CAV1: variants seen among roughly 807,000 people sequenced by gnomAD.
The protein encoded by CAV1 is caveolin 1.
A neutral mutation model predicts 16.5 loss-of-function variants in CAV1; 10 were observed. The ratio of observed to expected loss-of-function variants is 0.61; its 90% CI spans 0.37 to 1.03. CAV1 has a LOEUF of 1.03. Among genes scored for constraint, CAV1 ranks in the 50% least tolerant of loss-of-function variants. The probability of loss-of-function intolerance (pLI) is 0.01; values close to 1 mark genes in which losing one functional copy is unlikely to be tolerated. For synonymous variants in CAV1, 76 were observed against 85.1 expected, an observed-to-expected ratio of 0.89 and a Z score of 0.59; for missense variants, 212 against 232.8, an observed-to-expected ratio of 0.91 and a Z score of 0.58.
At chr7:116,557,310 T>C (rs1378523913) in intron 2 of CAV1, among the ~76,000 whole-genome samples, 3 of 152,222 alleles carry the variant, frequency 2.0e-5, no homozygotes, top group African/African-American at 7.2e-5. Flanking sequence ...AGACATTTTA[T>C]TTTGTTGAAT....
chr7:116,555,769 A>G (rs2116096094), intron 2 of CAV1, among the ~76,000 whole-genome samples: 2 of 152,078 alleles, frequency 1.3e-5, no homozygotes, highest in East Asian at 3.9e-4. Flanking sequence ...TATGCTCTGC[A>G]CCCAAGCTAA....
At chr7:116,555,542 GAGAAAGAAAGAAAGAAAGAAAGAAAGAA>G (rs1225761657) in intron 2 of CAV1, among the ~76,000 whole-genome samples, 12 of 12,122 alleles carry the variant, frequency 9.9e-4, no homozygotes, top group Non-Finnish European at 1.6e-3. Context: ...GAGAGAGAGA[GAGAAAGAAAGAAAGAAAGAAAGAAAGAA>G]AGAAAGAAAG....
intron 2 of CAV1, among the ~76,000 whole-genome samples, chr7:116,548,140 GA>G (rs2116051460): frequency 6.6e-6 from 1 of 152,298 alleles, no homozygotes; most frequent in African/African-American, 2.4e-5. Flanking sequence ...AAAATGAGGG[GA>G]TGAGGTGCAA....
intron 2 of CAV1, among the ~76,000 whole-genome samples, chr7:116,536,200 T>C (rs1480303260): frequency 2.0e-5 from 3 of 152,102 alleles, no homozygotes; most frequent in African/African-American, 7.2e-5. Context: ...AAAAGTAACA[T>C]GAGCACCGTT....
intron 1 of CAV1, chr7:116,526,150 G>C: frequency 2.6e-6 from 1 of 391,640 alleles, no homozygotes; most frequent in Non-Finnish European, 3.5e-6. Flanking sequence ...GAAGCCTGCG[G>C]CTGCCCCCTC....
rs142699467 is a variant in CAV1, at chr7:116,559,275, G to C, written c.525G>C (p.Gln175His). The C allele has an allele frequency of 6.2e-7, 1 of 1,611,556 alleles. No individual in the cohort carries two copies. Among genetic ancestry groups the C allele is most frequent in the South Asian group, 1.1e-5 (1 of 91,038 alleles). Residue 175 changes from glutamine to histidine, a missense_variant, in exon 3 of 3, where the codon CAG (glutamine) becomes CAC (histidine). Gln to His is a conservative substitution (Grantham distance 24, BLOSUM62 0). Transcript: ENST00000341049. ...TCAGCAATGTCCGCATCAACTTGCA[G>C]AAAGAAATATAAATGACATTTCAAG... ...KIFSNVRINL[Q>H]KEI is the part of the protein sequence containing the mutation.
At chr7:116,526,286 G>A (rs1339154655) in intron 1 of CAV1, 4 of 1,305,310 alleles carry the variant, frequency 3.1e-6, no homozygotes, top group Non-Finnish European at 3.9e-6. Context: ...AGGCAGGCGC[G>A]CCCTGCAGAG....
intron 2 of CAV1, among the ~76,000 whole-genome samples, chr7:116,539,961 C>T (rs1404553438): frequency 6.6e-6 from 1 of 152,168 alleles, no homozygotes; most frequent in South Asian, 2.1e-4. Context: ...TATCCCCGCA[C>T]TATGGCAAGA....
chr7:116,535,297 T>A (rs1441717536), intron 2 of CAV1, among the ~76,000 whole-genome samples: 1 of 152,220 alleles, frequency 6.6e-6, no homozygotes. Flanking sequence ...ATTCCAGGCA[T>A]GTCAGGCCTT....
intron 2 of CAV1, among the ~76,000 whole-genome samples, chr7:116,545,989 CG>C (rs1320526371): frequency 6.6e-6 from 1 of 152,146 alleles, no homozygotes; most frequent in African/African-American, 2.4e-5. Flanking sequence ...CTATCTGGGA[CG>C]GAACTTTCAA....
At chr7:116,549,063 C>T (rs1418017709) in intron 2 of CAV1, among the ~76,000 whole-genome samples, 1 of 152,222 alleles carries the variant, frequency 6.6e-6, no homozygotes, top group Admixed American at 6.5e-5. Flanking sequence ...GTATGCCTGC[C>T]TCTTTTCCTG....
chr7:116,559,191 C>G lies in CAV1; in HGVS notation c.441C>G (p.Val147=), dbSNP rs376060840. 1 of 1,613,846 alleles carries G rather than the reference C, an allele frequency of 6.2e-7. No homozygotes were observed. Among genetic ancestry groups the G allele is most frequent in the African/African-American group, 1.3e-5 (1 of 74,912 alleles). The part of the protein sequence containing the change: ...FLIEIQCISR[V]YSIYVHTVCD... ...TTGAGATTCAGTGCATCAGCCGTGT[C>G]TATTCCATCTACGTCCACACCGTCT... Residue 147 remains valine, a synonymous_variant, in exon 3 of 3, where the codon GTC becomes GTG. Coordinates refer to ENST00000341049, the MANE Select transcript of CAV1 (RefSeq NM_001753.5).
At chr7:116,525,491 A>T in intron 1 of CAV1, 1 of 1,278,326 alleles carries the variant, frequency 7.8e-7, no homozygotes, top group Non-Finnish European at 1.0e-6. Flanking sequence ...TATTTACCCG[A>T]GTCCTGGGGA....
chr7:116,540,669 C>A (rs1007150283), intron 2 of CAV1, among the ~76,000 whole-genome samples: 2 of 152,122 alleles, frequency 1.3e-5, no homozygotes, highest in African/African-American at 4.8e-5. Context: ...ATCTTGTTAA[C>A]ATTTGTGATG....
chr7:116,525,681 A>C, intron 1 of CAV1: 1 of 1,087,730 alleles, frequency 9.2e-7, no homozygotes, highest in Non-Finnish European at 1.1e-6. Flanking sequence ...CATCACTTCC[A>C]ACGCCCTCCA....
At chr7:116,539,389 A>G (rs1315437702) in intron 2 of CAV1, among the ~76,000 whole-genome samples, 1 of 152,132 alleles carries the variant, frequency 6.6e-6, no homozygotes, top group Non-Finnish European at 1.5e-5. Context: ...AGAGTCAGAC[A>G]TCAGAAAATA....
At chr7:116,538,973 C>T (rs1391853560) in intron 2 of CAV1, among the ~76,000 whole-genome samples, 1 of 152,120 alleles carries the variant, frequency 6.6e-6, no homozygotes, top group Non-Finnish European at 1.5e-5. Flanking sequence ...TTATCTCCCA[C>T]AAAATGGGAA....
At chr7:116,528,686 A>T (rs1205246685) in intron 2 of CAV1, among the ~76,000 whole-genome samples, 1 of 152,210 alleles carries the variant, frequency 6.6e-6, no homozygotes, top group Non-Finnish European at 1.5e-5. Context: ...CTCCTATTTT[A>T]TAAATATGTA....
chr7:116,555,600 G>GA (rs1554357883), intron 2 of CAV1, among the ~76,000 whole-genome samples: 1 of 82,140 alleles, frequency 1.2e-5, no homozygotes, highest in African/African-American at 5.0e-5. Context: ...AAGAAAGAAA[G>GA]AAAGAGAAAG....
Sources: allele counts gnomAD v4.1 joint callset (sites outside exome capture counted in the v4.1 genomes callset), GRCh38; gene constraint gnomAD v4.1.1; transcripts MANE v1.5; gene names NCBI Gene and HGNC (gene_info 2026-07-23, HGNC 2026-07-21).